Variants in TRPC4 observed in about 807,000 individuals in gnomAD.
TRPC4 encodes transient receptor potential cation channel subfamily C member 4.
A neutral mutation model predicts 99.4 loss-of-function variants in TRPC4; 49 were observed. The ratio of observed to expected loss-of-function variants is 0.49; its 90% CI spans 0.39 to 0.63. The LOEUF (loss-of-function observed/expected upper bound fraction) is 0.63, where lower values mean the gene tolerates loss of function less well. Ranked by LOEUF, TRPC4 falls within the 20% of genes least tolerant of loss-of-function variation. TRPC4 has a pLI of 0.00. For missense variants in TRPC4, 898 were observed against 1,152.9 expected (o/e 0.78, Z 3.20); for synonymous variants, 454 against 425.9 (o/e 1.07, Z -0.81).
chr13:37,688,869 G>A (rs4343144), intron 4 of TRPC4, among the ~76,000 whole-genome samples: 151,250 of 152,188 alleles, frequency 0.99, 75,165 homozygotes, highest in Middle Eastern at 1. Flanking sequence ...AAGTCATTCA[G>A]TCTTGATGTT....
chr13:37,844,251 A>T (rs952385291), intron 1 of TRPC4, among the ~76,000 whole-genome samples: 4 of 152,188 alleles, frequency 2.6e-5, no homozygotes, highest in Admixed American at 2.6e-4. Flanking sequence ...AGCTGACAGC[A>T]TCACACTACA....
chr13:37,832,563 C>G (rs1040266231), intron 1 of TRPC4, among the ~76,000 whole-genome samples: 28 of 151,850 alleles, frequency 1.8e-4, no homozygotes, highest in Non-Finnish European at 2.2e-4. Flanking sequence ...ACAACAAAAA[C>G]TCAATTTATC....
intron 3 of TRPC4, among the ~76,000 whole-genome samples, chr13:37,697,498 G>A (rs1199840667): frequency 1.3e-5 from 2 of 152,228 alleles, no homozygotes; most frequent in African/African-American, 2.4e-5. Context: ...AAAACACAGG[G>A]ATAGAGATAA....
intron 3 of TRPC4, among the ~76,000 whole-genome samples, chr13:37,712,846 A>G (rs988324990): frequency 2.6e-5 from 4 of 152,148 alleles, no homozygotes; most frequent in African/African-American, 7.2e-5. Context: ...TAACACTGCA[A>G]ATGAGTTGCT....
chr13:37,783,328 A>G lies in TRPC4; in HGVS notation c.6T>C (p.Ala2=). Residue 2 remains alanine, a synonymous_variant, in exon 2 of 11, where the codon GCT becomes GCC. Transcript: ENST00000379705. The stretch of plus-strand genomic sequence containing the variant: ...TAACATTTCTTTTGTAATAGAACTG[A>G]GCCATGTTTCATGCCATGCTATTTC... M[A]QFYYKRNVNA... is the part of the protein sequence containing the mutation. The G allele has an allele frequency of 6.4e-7, 1 of 1,560,034 alleles. No individual in the cohort carries two copies.
intron 5 of TRPC4, among the ~76,000 whole-genome samples, chr13:37,666,673 T>C (rs1032110369): frequency 6.6e-6 from 1 of 152,226 alleles, no homozygotes; most frequent in Non-Finnish European, 1.5e-5. Context: ...AAAATATTAA[T>C]TTGAATTTTA....
At chr13:37,859,921 C>T (rs1311495382) in intron 1 of TRPC4, among the ~76,000 whole-genome samples, 1 of 151,262 alleles carries the variant, frequency 6.6e-6, no homozygotes, top group Non-Finnish European at 1.5e-5. Flanking sequence ...CCCCCACCTC[C>T]ATGCACATGT....
At chr13:37,854,931 C>T (rs1008469776) in intron 1 of TRPC4, 7 of 151,898 alleles carry the variant, frequency 4.6e-5, no homozygotes, top group Non-Finnish European at 1.0e-4. Context: ...CTTCCAAGAT[C>T]AGATGAGATT....
intron 1 of TRPC4, among the ~76,000 whole-genome samples, chr13:37,834,621 T>C (rs1958511011): frequency 6.6e-6 from 1 of 152,214 alleles, no homozygotes; most frequent in African/African-American, 2.4e-5. Context: ...ATTGACATAG[T>C]TTCCATGACA....
intron 3 of TRPC4, among the ~76,000 whole-genome samples, chr13:37,738,785 C>T (rs1050408443): frequency 2.0e-4 from 30 of 152,082 alleles, no homozygotes; most frequent in Admixed American, 1.6e-3. Flanking sequence ...TAAGCAGTGA[C>T]GGTGGGCATT....
rs1383202787 is a variant in TRPC4, at chr13:37,746,051, A to T, written c.783T>A (p.Ser261Arg). The T allele has an allele frequency of 5.0e-6, 8 of 1,613,730 alleles. No individual in the cohort carries two copies. In the Admixed American group the frequency reaches 6.7e-5, roughly 13 times the overall value. ...TAAGAATGATTTCCAGTTCTCTGGA[A>T]CTTCTCGTCTGATCCAGTAGGTCCT... The part of the protein sequence containing the change: ...FAKDLLDQTR[S>R]SRELEIILNY... Residue 261 changes from serine to arginine, a missense_variant, in exon 3 of 11, where the codon AGT becomes AGA. By Grantham distance (110) the Ser-to-Arg change is moderately radical (BLOSUM62 -1). Coordinates refer to ENST00000379705, the MANE Select transcript of TRPC4 (RefSeq NM_016179.4).
intron 3 of TRPC4, among the ~76,000 whole-genome samples, chr13:37,745,458 A>ATGCGTATATATATATATATGCG (rs1555265728): frequency 4.6e-4 from 3 of 6,588 alleles, no homozygotes; most frequent in African/African-American, 1.2e-3. Context: ...ATATATATAT[A>ATGCGTATATATATATATATGCG]TATATATATA....
chr13:37,769,651 A>T (rs1956493442), intron 2 of TRPC4, among the ~76,000 whole-genome samples: 1 of 151,430 alleles, frequency 6.6e-6, no homozygotes, highest in African/African-American at 2.4e-5. Flanking sequence ...GCTCCAGGGA[A>T]TCATTCACAG....
chr13:37,789,400 A>T (rs889832916), intron 1 of TRPC4, among the ~76,000 whole-genome samples: 2 of 152,256 alleles, frequency 1.3e-5, no homozygotes, highest in African/African-American at 4.8e-5. Flanking sequence ...ATGCACAGTT[A>T]TGTAGCCTTT....
chr13:37,708,691 A>G (rs1029674436), intron 3 of TRPC4, among the ~76,000 whole-genome samples: 3 of 148,870 alleles, frequency 2.0e-5, no homozygotes, highest in Non-Finnish European at 4.5e-5. Flanking sequence ...ACATATTCTT[A>G]AATTATATAT....
At chr13:37,662,618 A>G (rs560574402) in intron 6 of TRPC4, among the ~76,000 whole-genome samples, 1 of 152,346 alleles carries the variant, frequency 6.6e-6, no homozygotes, top group South Asian at 2.1e-4. Flanking sequence ...TGACTTTTAA[A>G]GTCACCTACA....
chr13:37,767,912 C>G (rs1241264837), intron 2 of TRPC4, among the ~76,000 whole-genome samples: 1 of 151,356 alleles, frequency 6.6e-6, no homozygotes, highest in Non-Finnish European at 1.5e-5. Flanking sequence ...AATGAATAGA[C>G]TGGTATTCTT....
intron 1 of TRPC4, among the ~76,000 whole-genome samples, chr13:37,860,716 T>C (rs995014417): frequency 1.3e-5 from 2 of 151,498 alleles, no homozygotes; most frequent in African/African-American, 4.8e-5. Flanking sequence ...GGAAGTACCC[T>C]ACTATGGTTG....
intron 4 of TRPC4, among the ~76,000 whole-genome samples, chr13:37,686,169 G>A (rs1953467680): frequency 6.6e-6 from 1 of 151,928 alleles, no homozygotes; most frequent in African/African-American, 2.4e-5. Context: ...TGAGGGGATG[G>A]GAAATTCAGC....
Sources: allele counts gnomAD v4.1 joint callset (sites outside exome capture counted in the v4.1 genomes callset), GRCh38; gene constraint gnomAD v4.1.1; transcripts MANE v1.5; gene names NCBI Gene and HGNC (gene_info 2026-07-23, HGNC 2026-07-21).